The following ZMAT4 variants were observed in gnomAD, a reference collection of about 807,000 sequenced individuals.
ZMAT4 encodes the protein zinc finger matrin-type 4, also known as zinc finger matrin-type protein 4.
A neutral mutation model predicts 28.7 loss-of-function variants in ZMAT4; 17 were observed. The ratio of observed to expected loss-of-function variants is 0.59; its 90% CI spans 0.41 to 0.89. The LOEUF (loss-of-function observed/expected upper bound fraction) is 0.89. ZMAT4 is among the 40% of genes least tolerant of loss of function. The probability of loss-of-function intolerance (pLI) is 0.00; values close to 1 mark genes in which losing one functional copy is unlikely to be tolerated. For synonymous variants in ZMAT4, 117 were observed against 109.2 expected, an observed-to-expected ratio of 1.07 and a Z score of -0.44; for missense variants, 240 against 283.8, an observed-to-expected ratio of 0.85 and a Z score of 1.11.
intron 6 of ZMAT4, among the ~76,000 whole-genome samples, chr8:40,540,241 C>A (rs28460088): frequency 0.013 from 1,969 of 152,286 alleles, 44 homozygotes; most frequent in African/African-American, 0.042. Flanking sequence ...CCTCCTCTTC[C>A]TGTGTGGAAC....
chr8:40,838,412 G>A (rs1466566683), intron 1 of ZMAT4, among the ~76,000 whole-genome samples: 2 of 152,116 alleles, frequency 1.3e-5, no homozygotes, highest in East Asian at 3.9e-4. Context: ...GCATGATCAT[G>A]GCTCACTGTA....
intron 5 of ZMAT4, among the ~76,000 whole-genome samples, chr8:40,651,732 A>G (rs1294747461): frequency 1.3e-5 from 2 of 151,784 alleles, no homozygotes. Flanking sequence ...ACCAAAACAG[A>G]GATATAGATC....
chr8:40,854,197 C>T (rs191240254), intron 1 of ZMAT4, among the ~76,000 whole-genome samples: 8 of 152,276 alleles, frequency 5.3e-5, no homozygotes, highest in South Asian at 4.1e-4. Flanking sequence ...TTGGAAGGGA[C>T]GCATAGTAAA....
intron 5 of ZMAT4, among the ~76,000 whole-genome samples, chr8:40,596,156 G>T (rs956070081): frequency 2.8e-4 from 43 of 152,186 alleles, no homozygotes; most frequent in African/African-American, 9.6e-4. Flanking sequence ...CATTGTATGG[G>T]GCACCTACTG....
intron 1 of ZMAT4, among the ~76,000 whole-genome samples, chr8:40,893,121 A>C (rs1818750774): frequency 6.6e-6 from 1 of 152,166 alleles, no homozygotes; most frequent in South Asian, 2.1e-4. Context: ...CATCCTCCAT[A>C]TAACATCCCC....
chr8:40,589,216 T>C (rs1804769883), intron 5 of ZMAT4, among the ~76,000 whole-genome samples: 2 of 152,180 alleles, frequency 1.3e-5, no homozygotes, highest in African/African-American at 4.8e-5. Context: ...GGGTAGATAC[T>C]ATTGTTATAC....
chr8:40,822,395 A>G (rs1208017791), intron 2 of ZMAT4, among the ~76,000 whole-genome samples: 1 of 152,234 alleles, frequency 6.6e-6, no homozygotes, highest in South Asian at 2.1e-4. Context: ...AAATGAAATC[A>G]TACTAAAACA....
chr8:40,647,270 A>C (rs991685214), intron 5 of ZMAT4, among the ~76,000 whole-genome samples: 6 of 152,232 alleles, frequency 3.9e-5, no homozygotes, highest in African/African-American at 1.4e-4. Flanking sequence ...TGGGAAGCGC[A>C]AAGGGTCAGG....
chr8:40,843,387 G>T (rs1816767322), intron 1 of ZMAT4, among the ~76,000 whole-genome samples: 2 of 152,114 alleles, frequency 1.3e-5, no homozygotes, highest in Admixed American at 1.3e-4. Context: ...GAGCTCATGG[G>T]GCCCTGTGTC....
In ZMAT4 at chr8:40,891,020, G is replaced by A. The variant is rs1586233648; in HGVS notation, c.-5+6663C>T. Among the ~76,000 whole-genome samples the A allele has an allele frequency of 2.0e-5, 3 of 151,408 alleles. 1 individual carries two copies. In the East Asian group the frequency reaches 5.9e-4, roughly 30 times the overall value. Reference sequence around the variant, plus strand: ...ACCTAATACACCTGACTATATTCCAGTAATGTCTGCGGCATCAAAATCGAG... The same window carrying A: ...ACCTAATACACCTGACTATATTCCAATAATGTCTGCGGCATCAAAATCGAG... On this transcript the variant is annotated intron_variant, in intron 1 of 6. Coordinates refer to ENST00000297737, the MANE Select transcript of ZMAT4 (RefSeq NM_024645.3).
At chr8:40,678,721 C>T (rs1809014673) in intron 4 of ZMAT4, among the ~76,000 whole-genome samples, 1 of 152,190 alleles carries the variant, frequency 6.6e-6, no homozygotes, top group Non-Finnish European at 1.5e-5. Flanking sequence ...TTTGCATTGG[C>T]TCTCTTCTAG....
At chr8:40,816,422 T>C (rs1815541850) in intron 2 of ZMAT4, among the ~76,000 whole-genome samples, 1 of 152,182 alleles carries the variant, frequency 6.6e-6, no homozygotes, top group African/African-American at 2.4e-5. Context: ...ATGCTGAAAG[T>C]GTTTGTTGCC....
intron 5 of ZMAT4, among the ~76,000 whole-genome samples, chr8:40,604,623 G>A (rs1373933217): frequency 1.4e-4 from 22 of 151,958 alleles, no homozygotes; most frequent in Admixed American, 1.4e-3. Context: ...TTGGTTAGCT[G>A]GTATTTTTTT....
chr8:40,776,789 A>G (rs1322735159), intron 2 of ZMAT4, among the ~76,000 whole-genome samples: 1 of 152,248 alleles, frequency 6.6e-6, no homozygotes, highest in Non-Finnish European at 1.5e-5. Context: ...ACATGAGCCA[A>G]TCCTGAGCTA....
intron 6 of ZMAT4, among the ~76,000 whole-genome samples, chr8:40,557,928 G>C (rs1328743733): frequency 1.3e-5 from 2 of 152,200 alleles, no homozygotes; most frequent in African/African-American, 4.8e-5. Context: ...GGGGTTAACT[G>C]CTAGGTAGAG....
chr8:40,783,222 T>C (rs1033188147), intron 2 of ZMAT4, among the ~76,000 whole-genome samples: 1 of 152,204 alleles, frequency 6.6e-6, no homozygotes, highest in African/African-American at 2.4e-5. Context: ...CATTCAGCTA[T>C]AGAAAGGAAT....
chr8:40,726,013 C>T (rs1811303302), intron 3 of ZMAT4, among the ~76,000 whole-genome samples: 1 of 152,258 alleles, frequency 6.6e-6, no homozygotes, highest in African/African-American at 2.4e-5. Flanking sequence ...ATACTCATCA[C>T]TGGCATTTTC....
chr8:40,837,474 C>T (rs1158545025), intron 1 of ZMAT4, among the ~76,000 whole-genome samples: 1 of 152,222 alleles, frequency 6.6e-6, no homozygotes, highest in Non-Finnish European at 1.5e-5. Context: ...CCTTAACTAA[C>T]TCTACTTGAA....
rs1807158077 is a variant in ZMAT4 at position 40,643,675 on chromosome 8, G to T, written c.577+31029C>A. ...CCGGTGGAGAGAGGAAGCGAGCCCA[G>T]CCTGGAAGCATTCTATAGAAAACTC... is the stretch of plus-strand genomic sequence containing the variant. On this transcript the variant is annotated intron_variant, in intron 5 of 6. Coordinates refer to ENST00000297737, the MANE Select transcript of ZMAT4 (RefSeq NM_024645.3). Among the ~76,000 whole-genome samples, 3 of 151,920 alleles carry T rather than the reference G, an allele frequency of 2.0e-5. No homozygotes were observed. The South Asian group carries it at 6.2e-4, about 31-fold the overall frequency.
Sources: gnomAD v4.1 joint callset for allele counts (sites outside exome capture counted in the v4.1 genomes callset) on GRCh38, gnomAD v4.1.1 for gene constraint, MANE v1.5 for transcripts, NCBI Gene and HGNC (gene_info 2026-07-23, HGNC 2026-07-21) for gene names.